Variants in CLSTN2 observed in about 807,000 individuals in gnomAD.
CLSTN2 encodes the protein calsyntenin 2, also known as calsyntenin-2.
Under a neutral mutation model 101.2 loss-of-function variants are expected in CLSTN2, and 48 were observed. The ratio of observed to expected loss-of-function variants is 0.47; its 90% CI spans 0.38 to 0.60. CLSTN2 has a LOEUF of 0.60. CLSTN2 is among the 20% of genes least tolerant of loss of function. The pLI is 0.00. For missense variants in CLSTN2, 1,160 were observed against 1,238.2 expected, an observed-to-expected ratio of 0.94 and a Z score of 0.95; for synonymous variants, 481 against 463.6, an observed-to-expected ratio of 1.04 and a Z score of -0.48.
At chr3:140,216,595 A>T (rs893221901) in intron 2 of CLSTN2, among the ~76,000 whole-genome samples, 7 of 152,206 alleles carry the variant, frequency 4.6e-5, no homozygotes, top group Non-Finnish European at 2.9e-5. Context: ...AATGCTAGGA[A>T]ATTTGGTTCT....
intron 2 of CLSTN2, among the ~76,000 whole-genome samples, chr3:140,365,556 C>A (rs2087777893): frequency 6.6e-6 from 1 of 152,070 alleles, no homozygotes; most frequent in Non-Finnish European, 1.5e-5. Context: ...TTCCCACAGC[C>A]CAGGGAGGAC....
At chr3:140,470,152 C>T (rs567656336) in intron 8 of CLSTN2, among the ~76,000 whole-genome samples, 3 of 152,342 alleles carry the variant, frequency 2.0e-5, no homozygotes, top group African/African-American at 7.2e-5. Context: ...GATGGGGACT[C>T]GCTTATTTCT....
rs951873763 is a variant in CLSTN2, at chr3:139,935,432, G to C, written c.58G>C (p.Gly20Arg). ...CCTGCTGGCGCTGGGCGTGGGGAGC[G>C]GCAGCGGCGGTGGCGGGGACAGCCG... ...PLLLALGVGS[G>R]SGGGGDSRQR... The change falls in exon 1 of 17, where the codon GGC (glycine) becomes CGC (arginine). Residue 20 changes from glycine to arginine, a missense_variant. Coordinates refer to ENST00000458420, the MANE Select transcript of CLSTN2 (RefSeq NM_022131.3). The surrounding 1 kb of genome is among the most constrained non-coding windows in gnomAD (Gnocchi z 5.5). 2 of 1,231,320 alleles carry C rather than the reference G, an allele frequency of 1.6e-6. No individual in the cohort carries two copies. Among genetic ancestry groups the C allele is most frequent in the African/African-American group, 3.1e-5 (2 of 64,348 alleles). The allele number at this position is 1,231,320 out of a possible 1,614,324, so 76.3% of individuals were successfully genotyped here.
intron 8 of CLSTN2, among the ~76,000 whole-genome samples, chr3:140,510,384 C>CGCA (rs1934783511): frequency 6.6e-6 from 1 of 152,162 alleles, no homozygotes; most frequent in Admixed American, 6.6e-5. Flanking sequence ...ATGCAAAAGT[C>CGCA]GCAGCACGGT....
At chr3:140,433,431 G>A (rs2088655809) in intron 5 of CLSTN2, among the ~76,000 whole-genome samples, 1 of 152,208 alleles carries the variant, frequency 6.6e-6, no homozygotes. Context: ...AGCCCCACAT[G>A]CTACCTCATC....
At chr3:140,162,863 G>A (rs549953845) in intron 1 of CLSTN2, among the ~76,000 whole-genome samples, 2 of 152,320 alleles carry the variant, frequency 1.3e-5, no homozygotes, top group South Asian at 2.1e-4. Context: ...GGCGTGAAAT[G>A]GAATTCGCAG....
At chr3:140,480,798 T>C (rs991725919) in intron 8 of CLSTN2, among the ~76,000 whole-genome samples, 1 of 152,208 alleles carries the variant, frequency 6.6e-6, no homozygotes. Context: ...GGGTTGTTTG[T>C]TTTTTTCTCG....
chr3:140,485,073 T>C (rs1254464932), intron 8 of CLSTN2, among the ~76,000 whole-genome samples: 1 of 152,162 alleles, frequency 6.6e-6, no homozygotes, highest in Non-Finnish European at 1.5e-5. Flanking sequence ...GCTCTGTTTT[T>C]CCCCCATCTT....
chr3:140,098,953 T>C (rs1180815425), intron 1 of CLSTN2, among the ~76,000 whole-genome samples: 1 of 152,072 alleles, frequency 6.6e-6, no homozygotes, highest in East Asian at 1.9e-4. Flanking sequence ...CCCAACATAC[T>C]TAAAGGTGAG....
Position 140,073,069 on chromosome 3 carries a change from G to A in CLSTN2, c.110-102882G>A, listed in dbSNP as rs182186443. On this transcript the variant is annotated intron_variant, in intron 1 of 16. Coordinates refer to ENST00000458420, the MANE Select transcript of CLSTN2 (RefSeq NM_022131.3). ...CGACTGTCCTGGTAAACACAAACAC[G>A]AATGGTGGCACTGGAACTTTGGGCT... 9.2e-5 allele frequency among the ~76,000 whole-genome samples: 14 copies of A among 152,214 alleles called. No homozygotes were observed. The East Asian group carries it at 1.2e-3, about 13-fold the overall frequency.
chr3:139,977,525 C>T lies in CLSTN2; in HGVS notation c.109+42042C>T, dbSNP rs191002600. Among the ~76,000 whole-genome samples the T allele has an allele frequency of 7.9e-5, 12 of 152,284 alleles. No homozygotes were observed. In the East Asian group the frequency reaches 2.3e-3, roughly 29 times the overall value. On this transcript the variant is annotated intron_variant, in intron 1 of 16. Transcript: ENST00000458420. ...CAGTATCAACTGTGCTGTTTTTACC[C>T]CCTTACTCATGAATGTCTCAGGAAC...
intron 2 of CLSTN2, among the ~76,000 whole-genome samples, chr3:140,333,866 T>C (rs932466203): frequency 1.3e-5 from 2 of 152,162 alleles, no homozygotes; most frequent in African/African-American, 4.8e-5. Context: ...CCAGAAATAT[T>C]TGCAGCTCCA....
At chr3:140,322,020 C>T (rs2087288362) in intron 2 of CLSTN2, among the ~76,000 whole-genome samples, 2 of 152,222 alleles carry the variant, frequency 1.3e-5, no homozygotes, top group Admixed American at 6.5e-5. Context: ...CCCTCTGTAG[C>T]TCCATCTCTT....
chr3:140,007,023 T>G (rs1246938383), intron 1 of CLSTN2, among the ~76,000 whole-genome samples: 1 of 151,980 alleles, frequency 6.6e-6, no homozygotes, highest in African/African-American at 2.4e-5. Context: ...CGTTACTGAT[T>G]TTTCCTTTTG....
intron 1 of CLSTN2, among the ~76,000 whole-genome samples, chr3:140,052,637 C>T (rs963236145): frequency 2.0e-5 from 3 of 152,138 alleles, no homozygotes; most frequent in Non-Finnish European, 4.4e-5. Flanking sequence ...ACCACAAAGT[C>T]GGATTGGAAA....
intron 1 of CLSTN2, among the ~76,000 whole-genome samples, chr3:140,173,648 A>G (rs1037758349): frequency 4.8e-4 from 73 of 152,196 alleles, no homozygotes; most frequent in African/African-American, 1.8e-3. Context: ...AGGCATTTCC[A>G]TACATGTTCT....
At chr3:139,962,686 A>C (rs1576377885) in intron 1 of CLSTN2, among the ~76,000 whole-genome samples, 1 of 152,212 alleles carries the variant, frequency 6.6e-6, no homozygotes, top group African/African-American at 2.4e-5. Flanking sequence ...TCTTTTACTC[A>C]GTATAATCAT....
intron 1 of CLSTN2, among the ~76,000 whole-genome samples, chr3:139,988,581 A>G (rs1012586727): frequency 5.3e-5 from 8 of 152,250 alleles, no homozygotes; most frequent in Non-Finnish European, 8.8e-5. Flanking sequence ...GAGGATAAGA[A>G]GTAAACAGAC....
At chr3:140,132,011 T>C (rs1315147789) in intron 1 of CLSTN2, among the ~76,000 whole-genome samples, 1 of 152,208 alleles carries the variant, frequency 6.6e-6, no homozygotes, top group Non-Finnish European at 1.5e-5. Context: ...AAGCAGGTGA[T>C]ACAACAACCC....
Sources: allele counts gnomAD v4.1 joint callset (sites outside exome capture counted in the v4.1 genomes callset), GRCh38; gene constraint gnomAD v4.1.1; non-coding constraint Gnocchi (gnomAD v3.1); transcripts MANE v1.5; gene names NCBI Gene and HGNC (gene_info 2026-07-23, HGNC 2026-07-21).